The following HHAT variants were observed in gnomAD, a reference collection of about 807,000 sequenced individuals.
HHAT encodes the protein protein-cysteine N-palmitoyltransferase HHAT.
A neutral mutation model predicts 70.8 loss-of-function variants in HHAT; 47 were observed. That is an observed-to-expected ratio of 0.66 (90% CI 0.53 to 0.85). HHAT has a LOEUF of 0.85. HHAT is among the 40% of genes least tolerant of loss of function. The pLI is 0.00. For synonymous variants in HHAT, 228 were observed against 247.6 expected (o/e 0.92, Z 0.74); for missense variants, 609 against 604.8 (o/e 1.01, Z -0.07).
intron 10 of HHAT, chr1:210,588,714 A>G (rs1290063490): frequency 6.5e-6 from 1 of 152,686 alleles, no homozygotes; most frequent in Admixed American, 6.5e-5. Flanking sequence ...AATGTTCATT[A>G]TGTATATTGC....
intron 11 of HHAT, among the ~76,000 whole-genome samples, chr1:210,644,602 C>CAAAAAAA (rs57190952): frequency 9.4e-5 from 6 of 64,022 alleles, no homozygotes; most frequent in South Asian, 1.2e-3. Flanking sequence ...GACTCCATCT[C>CAAAAAAA]AAAAAAAAAA....
At chr1:210,626,425 C>G (rs1299323169) in intron 11 of HHAT, among the ~76,000 whole-genome samples, 1 of 152,180 alleles carries the variant, frequency 6.6e-6, no homozygotes, top group African/African-American at 2.4e-5. Flanking sequence ...GGAATCATCT[C>G]TCTTCTGGGT....
intron 9 of HHAT, among the ~76,000 whole-genome samples, chr1:210,520,847 A>T (rs773416688): frequency 4.6e-5 from 7 of 152,194 alleles, no homozygotes; most frequent in Non-Finnish European, 7.4e-5. Flanking sequence ...AATTTTCTTT[A>T]TCGTCACTTT....
Position 210,588,063 on chromosome 1 carries a change from G to A in HHAT, c.1209G>A (p.Arg403=), listed in dbSNP as rs771973115. Residue 403 remains arginine (R), a synonymous_variant, in exon 10 of 12, where the codon CGG becomes CGA. Coordinates refer to ENST00000261458, the MANE Select transcript of HHAT (RefSeq NM_018194.6). ...WLGVTVENGV[R]RLVETPCIQD... is the part of the protein sequence containing the mutation. Reference sequence around the variant, plus strand: ...GAGTCACTGTGGAGAATGGAGTCCGGAGGCTGGTGGAGACTCCCTGCATCC... The same window carrying A: ...GAGTCACTGTGGAGAATGGAGTCCGAAGGCTGGTGGAGACTCCCTGCATCC... The A allele has an allele frequency of 6.2e-7, 1 of 1,611,852 alleles. No individual in the cohort carries two copies. Among genetic ancestry groups the A allele is most frequent in the African/African-American group, 1.3e-5 (1 of 75,038 alleles).
intron 8 of HHAT, among the ~76,000 whole-genome samples, chr1:210,472,220 G>A (rs1201284209): frequency 6.6e-6 from 1 of 152,158 alleles, no homozygotes; most frequent in African/African-American, 2.4e-5. Flanking sequence ...TCCCACTTCT[G>A]CAAGGACAGT....
chr1:210,521,763 G>A (rs2095161608), intron 9 of HHAT, among the ~76,000 whole-genome samples: 2 of 152,198 alleles, frequency 1.3e-5, no homozygotes. Flanking sequence ...CTGGAGATGA[G>A]CCACTCTTTT....
intron 7 of HHAT, among the ~76,000 whole-genome samples, chr1:210,429,221 A>G (rs1295487875): frequency 2.6e-5 from 4 of 151,812 alleles, no homozygotes; most frequent in African/African-American, 7.3e-5. Flanking sequence ...CCCGAGTAAC[A>G]TTCTCCTACC....
At chr1:210,346,031 T>A (rs1051693677) in intron 1 of HHAT, among the ~76,000 whole-genome samples, 14 of 149,408 alleles carry the variant, frequency 9.4e-5, no homozygotes, top group Non-Finnish European at 1.9e-4. Flanking sequence ...GCCACTGCAC[T>A]CCTGCTTGGG....
At chr1:210,476,106 G>GT (rs1412023723) in intron 8 of HHAT, among the ~76,000 whole-genome samples, 2 of 152,182 alleles carry the variant, frequency 1.3e-5, no homozygotes, top group Admixed American at 6.5e-5. Context: ...GGGTGAATAG[G>GT]TTTTTTCTTC....
At chr1:210,652,554 C>T (rs1675378458) in intron 11 of HHAT, among the ~76,000 whole-genome samples, 1 of 152,168 alleles carries the variant, frequency 6.6e-6, no homozygotes, top group Non-Finnish European at 1.5e-5. Context: ...GCAGGCAGTC[C>T]CAGGCCTGGC....
At chr1:210,585,665 C>T (rs755679752) in intron 9 of HHAT, among the ~76,000 whole-genome samples, 3 of 152,082 alleles carry the variant, frequency 2.0e-5, no homozygotes, top group East Asian at 3.9e-4. Flanking sequence ...GTGATCCACC[C>T]GCCTCAGCCT....
intron 4 of HHAT, among the ~76,000 whole-genome samples, chr1:210,392,532 G>T (rs893021987): frequency 2.6e-5 from 4 of 152,168 alleles, no homozygotes; most frequent in Non-Finnish European, 5.9e-5. Flanking sequence ...TTATGCATAA[G>T]GAGTAAGGTT....
At position 210,490,991 on chromosome 1, in the gene HHAT, G is replaced by A. The variant is rs554522942; in HGVS notation, c.1008-22162G>A. ...GTTGAAACAGCCAATATGTGTTTAAGAGTCTCCATTATGCAGCCATCTCAC... is the reference window on the plus strand; with the variant it reads ...GTTGAAACAGCCAATATGTGTTTAAAAGTCTCCATTATGCAGCCATCTCAC... On this transcript the variant is annotated intron_variant, in intron 8 of 11. Transcript: ENST00000261458. Among the ~76,000 whole-genome samples the A allele has an allele frequency of 1.6e-4, 25 of 152,038 alleles. No homozygotes were observed. The South Asian group carries it at 4.9e-3, about 30-fold the overall frequency.
intron 2 of HHAT, among the ~76,000 whole-genome samples, chr1:210,360,909 G>A (rs887424631): frequency 4.8e-5 from 6 of 125,868 alleles, no homozygotes; most frequent in African/African-American, 1.6e-4. Flanking sequence ...AGTGTGGTTC[G>A]TGTTCTATTT....
chr1:210,632,286 CGA>C (rs1671022341), intron 11 of HHAT, among the ~76,000 whole-genome samples: 1 of 152,102 alleles, frequency 6.6e-6, no homozygotes, highest in Non-Finnish European at 1.5e-5. Context: ...GGTAAATACC[CGA>C]GGTTTGTCAT....
chr1:210,455,887 AT>A (rs999916056), intron 7 of HHAT, among the ~76,000 whole-genome samples: 8 of 152,174 alleles, frequency 5.3e-5, no homozygotes, highest in Admixed American at 3.3e-4. Flanking sequence ...TTGTGTGATT[AT>A]TGTTTTACAT....
At chr1:210,531,158 G>A (rs1316386380) in intron 9 of HHAT, among the ~76,000 whole-genome samples, 2 of 152,070 alleles carry the variant, frequency 1.3e-5, no homozygotes, top group East Asian at 3.9e-4. Context: ...ATATGATGTA[G>A]GTACTCATCT....
chr1:210,350,595 G>T (rs1356623247), intron 2 of HHAT, among the ~76,000 whole-genome samples: 2 of 152,216 alleles, frequency 1.3e-5, no homozygotes, highest in Non-Finnish European at 2.9e-5. Flanking sequence ...ATATAGGAAA[G>T]CAATTGATTT....
At chr1:210,438,591 G>A (rs2093433607) in intron 7 of HHAT, among the ~76,000 whole-genome samples, 1 of 151,648 alleles carries the variant, frequency 6.6e-6, no homozygotes, top group African/African-American at 2.4e-5. Context: ...GGTCCTATTG[G>A]CATGCTCTGT....
Sources: allele counts gnomAD v4.1 joint callset (sites outside exome capture counted in the v4.1 genomes callset), GRCh38; gene constraint gnomAD v4.1.1; transcripts MANE v1.5; gene names NCBI Gene and HGNC (gene_info 2026-07-23, HGNC 2026-07-21).